RAPGEF1: variants seen among roughly 807,000 people sequenced by gnomAD.
The protein encoded by RAPGEF1 is CRK SH3-binding GNRP.
Under a neutral mutation model 143.3 loss-of-function variants are expected in RAPGEF1, and 33 were observed. That is an observed-to-expected ratio of 0.23 (90% CI 0.17 to 0.31). The LOEUF is 0.31. RAPGEF1 is among the 10% of genes least tolerant of loss of function. The probability of loss-of-function intolerance (pLI) is 1.00; values close to 1 mark genes in which losing one functional copy is unlikely to be tolerated. For synonymous variants in RAPGEF1, 629 were observed against 676.5 expected (o/e 0.93, Z 1.09); for missense variants, 1,199 against 1,645.4 (o/e 0.73, Z 4.69).
chr9:131,736,285 T>C (rs1183937656), intron 1 of RAPGEF1, among the ~76,000 whole-genome samples: 1 of 152,132 alleles, frequency 6.6e-6, no homozygotes, highest in Non-Finnish European at 1.5e-5. Context: ...AGAAGCACTG[T>C]AGAGTTTAGA....
At chr9:131,702,617 G>A (rs1834746022) in intron 1 of RAPGEF1, among the ~76,000 whole-genome samples, 1 of 152,160 alleles carries the variant, frequency 6.6e-6, no homozygotes, top group Non-Finnish European at 1.5e-5. Flanking sequence ...CATCACTCAT[G>A]AAAATGCATC....
chr9:131,718,798 T>C (rs1836048991), intron 1 of RAPGEF1, among the ~76,000 whole-genome samples: 1 of 152,124 alleles, frequency 6.6e-6, no homozygotes, highest in African/African-American at 2.4e-5. Flanking sequence ...AACATGCATT[T>C]GAGAAGGACC....
At chr9:131,686,127 G>C (rs993685309) in intron 1 of RAPGEF1, among the ~76,000 whole-genome samples, 2 of 152,166 alleles carry the variant, frequency 1.3e-5, no homozygotes, top group Admixed American at 1.3e-4. Flanking sequence ...CTCCAAAGCA[G>C]AGGGCAGCAA....
Position 131,650,517 on chromosome 9 carries a change from A to AT in RAPGEF1, c.202-276_202-275insA, listed in dbSNP as rs1296585803. ...CAACGTAGGGAACTGCAGGGCAGGG[A>AT]GGCAGCAGCCTGGGGTGTGGACATG... On this transcript the variant is annotated intron_variant, in intron 2 of 26. Coordinates refer to ENST00000683357, the MANE Select transcript of RAPGEF1 (RefSeq NM_001377935.1). The surrounding 1 kb of genome is among the most constrained non-coding windows in gnomAD (Gnocchi z 4.7). Among the ~76,000 whole-genome samples, 1 of 152,096 alleles carries AT rather than the reference A, an allele frequency of 6.6e-6. No individual in the cohort carries two copies. Among genetic ancestry groups the AT allele is most frequent in the Admixed American group, 6.5e-5 (1 of 15,270 alleles).
Position 131,579,461 on chromosome 9 carries a change from C to T in RAPGEF1, c.*36G>A, listed in dbSNP as rs908251020. ...TCCGGTCTGGGAGCTGCCCTCTGCGCCCCTCGAGCATTCTCCTGGATCCCG... is the reference window on the plus strand; with the variant it reads ...TCCGGTCTGGGAGCTGCCCTCTGCGTCCCTCGAGCATTCTCCTGGATCCCG... On this transcript the variant is annotated 3_prime_UTR_variant, in exon 27 of 27. Coordinates refer to ENST00000683357, the MANE Select transcript of RAPGEF1 (RefSeq NM_001377935.1). The T allele has an allele frequency of 5.6e-6, 9 of 1,608,496 alleles. No individual in the cohort carries two copies. Among genetic ancestry groups the T allele is most frequent in the Non-Finnish European group, 7.6e-6 (9 of 1,176,720 alleles).
At chr9:131,673,654 T>G (rs1409338240) in intron 1 of RAPGEF1, among the ~76,000 whole-genome samples, 1 of 152,076 alleles carries the variant, frequency 6.6e-6, no homozygotes, top group African/African-American at 2.4e-5. Context: ...AGCAGGACAT[T>G]CCTATCAACT....
intron 4 of RAPGEF1, among the ~76,000 whole-genome samples, chr9:131,640,148 G>C (rs549482454): frequency 8.5e-5 from 13 of 152,354 alleles, no homozygotes; most frequent in Admixed American, 5.2e-4. Flanking sequence ...GGAAAACAAA[G>C]ACCCTGCAGT....
chr9:131,666,978 C>T (rs1295629910), intron 1 of RAPGEF1, among the ~76,000 whole-genome samples: 1 of 152,072 alleles, frequency 6.6e-6, no homozygotes, highest in East Asian at 1.9e-4. Flanking sequence ...GGTGGCACTT[C>T]CTGCTCGCCT....
chr9:131,653,885 C>T (rs1971741483), intron 1 of RAPGEF1, among the ~76,000 whole-genome samples: 1 of 152,178 alleles, frequency 6.6e-6, no homozygotes, highest in African/African-American at 2.4e-5. Flanking sequence ...ACTCAAATGT[C>T]CATGTTTGTG....
chr9:131,688,356 C>T (rs1024346011), intron 1 of RAPGEF1, among the ~76,000 whole-genome samples: 2 of 152,306 alleles, frequency 1.3e-5, no homozygotes. Context: ...ACTGTTTATA[C>T]ATAAACCAAA....
intron 20 of RAPGEF1, among the ~76,000 whole-genome samples, 172 bp downstream of exon 20, chr9:131,588,629 T>A (rs895271413): frequency 7.2e-5 from 11 of 152,152 alleles, no homozygotes; most frequent in Admixed American, 3.3e-4. Flanking sequence ...AATATGTGCC[T>A]CCTGGAGAAG....
chr9:131,604,128 G>T, intron 13 of RAPGEF1, 75 bp from the exon 14 acceptor site: 1 of 895,862 alleles, frequency 1.1e-6, no homozygotes, highest in Non-Finnish European at 1.6e-6. Context: ...GCCAGGGGAT[G>T]CCACAGCCTG....
At chr9:131,716,040 G>A (rs1251060274) in intron 1 of RAPGEF1, among the ~76,000 whole-genome samples, 1 of 152,168 alleles carries the variant, frequency 6.6e-6, no homozygotes, top group African/African-American at 2.4e-5. Context: ...CACGTCTGCA[G>A]GGGATGTGTC....
At chr9:131,611,262 A>G (rs1328001506) in intron 12 of RAPGEF1, among the ~76,000 whole-genome samples, 1 of 152,230 alleles carries the variant, frequency 6.6e-6, no homozygotes, top group Non-Finnish European at 1.5e-5. Flanking sequence ...TCACCAAAGA[A>G]AGGCAACATT....
chr9:131,674,368 G>A lies in RAPGEF1; in HGVS notation c.62-23419C>T, dbSNP rs567680858. On this transcript the variant is annotated intron_variant, in intron 1 of 26. Transcript: ENST00000683357. ...CCAGTCTGAAAATGCTGAAATAGGC[G>A]CCCTGCAGAGCACGGTTTTGCTTTA... is the stretch of plus-strand genomic sequence containing the variant. Among the ~76,000 whole-genome samples, 44 of 152,256 alleles carry A rather than the reference G, an allele frequency of 2.9e-4. No homozygotes were observed. In the South Asian group the frequency reaches 8.1e-3, roughly 28 times the overall value.
At chr9:131,609,433 C>G (rs1476021025) in intron 12 of RAPGEF1, among the ~76,000 whole-genome samples, 1 of 152,178 alleles carries the variant, frequency 6.6e-6, no homozygotes, top group Non-Finnish European at 1.5e-5. Context: ...GAGACAGGCC[C>G]TAACCATGCA....
At chr9:131,715,857 C>T (rs1433593455) in intron 1 of RAPGEF1, among the ~76,000 whole-genome samples, 2 of 142,552 alleles carry the variant, frequency 1.4e-5, no homozygotes, top group East Asian at 4.2e-4. Flanking sequence ...GAGCGAGACT[C>T]CCTCTCAAAA....
At chr9:131,646,565 C>T (rs995061386) in intron 3 of RAPGEF1, among the ~76,000 whole-genome samples, 1 of 152,120 alleles carries the variant, frequency 6.6e-6, no homozygotes. Flanking sequence ...GAAAACTGGC[C>T]CTCCTCTCCA....
At chr9:131,660,970 G>GGGA (rs1973896105) in intron 1 of RAPGEF1, among the ~76,000 whole-genome samples, 1 of 152,212 alleles carries the variant, frequency 6.6e-6, no homozygotes, top group Non-Finnish European at 1.5e-5. Flanking sequence ...TTTGTCATCA[G>GGGA]GAAGCAGTAC....
Sources: gnomAD v4.1 joint callset for allele counts (sites outside exome capture counted in the v4.1 genomes callset) on GRCh38, gnomAD v4.1.1 for gene constraint, Gnocchi (gnomAD v3.1) non-coding constraint, MANE v1.5 for transcripts, NCBI Gene and HGNC (gene_info 2026-07-23, HGNC 2026-07-21) for gene names.